Variants in WEE2 observed in about 807,000 individuals in gnomAD.
The protein encoded by WEE2 is wee1-like protein kinase 2.
WEE2 carries 50 observed loss-of-function variants against 60.1 expected under a neutral mutation model. That is an observed-to-expected ratio of 0.83 (90% CI 0.66 to 1.05). The LOEUF (loss-of-function observed/expected upper bound fraction) is 1.05. Among genes scored for constraint, WEE2 ranks in the 50% least tolerant of loss-of-function variants. The probability of loss-of-function intolerance (pLI) is 0.00; values close to 1 mark genes in which losing one functional copy is unlikely to be tolerated. For missense variants in WEE2, 631 were observed against 684.3 expected (o/e 0.92, Z 0.87); for synonymous variants, 240 against 241.0 (o/e 1.00, Z 0.04).
intron 8 of WEE2, 40 bp from the exon 9 acceptor site, chr7:141,724,986 C>A (rs767763244): frequency 3.2e-5 from 51 of 1,597,510 alleles, no homozygotes; most frequent in Non-Finnish European, 4.3e-5. Context: ...ACTCACCCTG[C>A]TTGGCATAGT....
intron 1 of WEE2, among the ~76,000 whole-genome samples, chr7:141,712,864 C>T (rs1293249236): frequency 6.6e-6 from 1 of 152,148 alleles, no homozygotes; most frequent in Non-Finnish European, 1.5e-5. Context: ...TGACTTACTA[C>T]AAAATGCTAG....
chr7:141,729,645 A>G lies in WEE2; in HGVS notation c.1650A>G (p.Gly550=). 6.2e-7 allele frequency: 1 copy of G among 1,613,824 alleles called. No individual in the cohort carries two copies. Among genetic ancestry groups the G allele is most frequent in the Non-Finnish European group, 8.5e-7 (1 of 1,179,952 alleles). Reference sequence around the variant, plus strand: ...GAAGCACAAAACGCCTGGTGGGAGGAAAGAGTGCAAGGTCTTCAAGCTTTA... The same window carrying G: ...GAAGCACAAAACGCCTGGTGGGAGGGAAGAGTGCAAGGTCTTCAAGCTTTA... ...GSRSTKRLVG[G]KSARSSSFTS... is the part of the protein sequence containing the mutation. Residue 550 remains glycine, a synonymous_variant, in exon 11 of 12, where the codon GGA becomes GGG. Coordinates refer to ENST00000397541, the MANE Select transcript of WEE2 (RefSeq NM_001105558.1).
rs1451254788 is a variant in WEE2, at chr7:141,708,803, C to G, written c.45C>G (p.Asn15Lys). ...ACAAAGAACTAAGGCAGAAATTAAA[C>G]TTTTCCTATTGTGAGGAGACTGAGA... ...DIDKELRQKL[N>K]FSYCEETEIE... Residue 15 changes from asparagine (N) to lysine (K), a missense_variant, in exon 1 of 12, where the codon AAC becomes AAG. Coordinates refer to ENST00000397541, the MANE Select transcript of WEE2 (RefSeq NM_001105558.1). 6.2e-7 allele frequency: 1 copy of G among 1,614,096 alleles called. No individual in the cohort carries two copies. The highest frequency in any genetic ancestry group is 1.3e-5 in the African/African-American group (1 of 75,032).
intron 3 of WEE2, 22 bp downstream of exon 3, chr7:141,716,289 A>T (rs368880260): frequency 6.2e-7 from 1 of 1,610,716 alleles, no homozygotes; most frequent in African/African-American, 1.3e-5. Flanking sequence ...TCTTTGTCCC[A>T]GCGGCCACAA....
In WEE2 at chr7:141,725,178, CT is replaced by C. The variant is rs754348231; in HGVS notation, c.1378del (p.Ser460ProfsTer7). 6.2e-7 allele frequency: 1 copy of C among 1,614,006 alleles called. No individual in the cohort carries two copies. Among genetic ancestry groups the C allele is most frequent in the Admixed American group, 1.7e-5 (1 of 60,020 alleles). ...PDVPQELSES[F>X]SSLLKNMIQP... ...ACGTTCCTCAGGAGCTCTCAGAAAGCTTTTCCAGTCTGCTCAAGGTGATAGC... is the reference window on the plus strand; with the variant it reads ...ACGTTCCTCAGGAGCTCTCAGAAAGCTTTCCAGTCTGCTCAAGGTGATAGC... On this transcript the variant is annotated frameshift_variant, in exon 9 of 12. Transcript: ENST00000397541. LOFTEE classifies it high-confidence loss of function.
chr7:141,715,375 T>C (rs1798777823), intron 2 of WEE2, among the ~76,000 whole-genome samples: 1 of 152,124 alleles, frequency 6.6e-6, no homozygotes, highest in Admixed American at 6.5e-5. Context: ...TCTAAGAGAG[T>C]ATTTTTCCTT....
chr7:141,716,238 G>A lies in WEE2; in HGVS notation c.556G>A (p.Glu186Lys), dbSNP rs1399641753. ...IRGDLEEAGP[E>K]EGKGGLPAKR... is the part of the protein sequence containing the mutation. ...TTTTTTAAGTGAGGAAGCTGGTCCAGAGGAAGGCAAGGGAGGGCTGCCTGC... is the reference window on the plus strand; with the variant it reads ...TTTTTTAAGTGAGGAAGCTGGTCCAAAGGAAGGCAAGGGAGGGCTGCCTGC... Residue 186 changes from glutamate to lysine, a missense_variant, in exon 3 of 12, where the codon GAG becomes AAG. By Grantham distance (56) the Glu-to-Lys change is moderately conservative. Coordinates refer to ENST00000397541, the MANE Select transcript of WEE2 (RefSeq NM_001105558.1). The A allele has an allele frequency of 4.3e-6, 7 of 1,612,588 alleles. No individual in the cohort carries two copies. In the African/African-American group the frequency reaches 9.4e-5, roughly 22 times the overall value.
Position 141,708,892 on chromosome 7 carries a change from A to T in WEE2, c.134A>T (p.Glu45Val). 1 of 1,614,200 alleles carries T rather than the reference A, an allele frequency of 6.2e-7. No homozygotes were observed. The highest frequency in any genetic ancestry group is 8.5e-7 in the Non-Finnish European group (1 of 1,180,030). Reference protein sequence around the residue: ...EASSQTPEKGEVQDSEAKGTP... With the variant: ...EASSQTPEKGVVQDSEAKGTP... ...TCGAGCCAAACCCCAGAGAAGGGTG[A>T]AGTGCAGGATTCAGAGGCAAAGGGT... The change falls in exon 1 of 12, where the codon GAA (glutamate) becomes GTA (valine). Residue 45 changes from glutamate to valine, a missense_variant. Physicochemically the swap from Glu to Val is moderately radical, Grantham distance 121. Transcript: ENST00000397541.
rs1274933720 is a variant in WEE2 at position 141,724,271 on chromosome 7, A to G, written c.1217A>G (p.Gln406Arg). 3.7e-6 allele frequency: 6 copies of G among 1,613,202 alleles called. No homozygotes were observed. Among genetic ancestry groups the G allele is most frequent in the Non-Finnish European group, 5.1e-6 (6 of 1,179,718 alleles). Reference protein sequence around the residue: ...DSRFLANEILQEDYRHLPKAD... With the variant: ...DSRFLANEILREDYRHLPKAD... Reference sequence around the variant, plus strand: ...CGCTTCCTGGCTAATGAGATTTTGCAAGAGGTATAGATTAGGGAAATGGAG... The same window carrying G: ...CGCTTCCTGGCTAATGAGATTTTGCGAGAGGTATAGATTAGGGAAATGGAG... Residue 406 changes from glutamine (Q) to arginine (R), a missense_variant, in exon 8 of 12, where the codon CAA becomes CGA. Coordinates refer to ENST00000397541, the MANE Select transcript of WEE2 (RefSeq NM_001105558.1).
At position 141,730,402 on chromosome 7, in the gene WEE2, G is replaced by A; in HGVS notation, c.*82G>A. ...CTGATTCCCCACCAAAGATCCCAGG[G>A]ACTCGTTGTACATAGAAAGGAATAG... is the stretch of plus-strand genomic sequence containing the variant. On this transcript the variant is annotated 3_prime_UTR_variant, in exon 12 of 12. Coordinates refer to ENST00000397541, the MANE Select transcript of WEE2 (RefSeq NM_001105558.1). The A allele has an allele frequency of 7.8e-7, 1 of 1,279,024 alleles. No homozygotes were observed. The highest frequency in any genetic ancestry group is 2.4e-5 in the East Asian group (1 of 42,324). 79.2% of individuals were successfully genotyped at this position (1,279,024 alleles called of 1,614,324 possible).
chr7:141,729,175 T>C (rs1435330987), intron 10 of WEE2, among the ~76,000 whole-genome samples: 1 of 152,242 alleles, frequency 6.6e-6, no homozygotes, highest in South Asian at 2.1e-4. Flanking sequence ...AATAAGACTT[T>C]ATTTATAAAT....
At chr7:141,710,394 T>C (rs951993117) in intron 1 of WEE2, among the ~76,000 whole-genome samples, 5 of 152,008 alleles carry the variant, frequency 3.3e-5, no homozygotes, top group Non-Finnish European at 7.4e-5. Context: ...TGAGTAAGAG[T>C]ACACAGAGAA....
At chr7:141,714,537 C>A in intron 2 of WEE2, 132 bp downstream of exon 2, 1 of 663,254 alleles carries the variant, frequency 1.5e-6, no homozygotes, top group Non-Finnish European at 2.5e-6. Context: ...ATATTCTCCC[C>A]TTCCTAGATA....
At chr7:141,714,793 A>G (rs1436068694) in intron 2 of WEE2, among the ~76,000 whole-genome samples, 1 of 152,174 alleles carries the variant, frequency 6.6e-6, no homozygotes, top group East Asian at 1.9e-4. Flanking sequence ...GTCTTGTGTG[A>G]CTAGTGATGA....
chr7:141,729,519 C>G lies in WEE2; in HGVS notation c.1536-12C>G, dbSNP rs1219354832. The stretch of plus-strand genomic sequence containing the variant: ...ATCAAGTAGCCTTTGCTTTTTCTCC[C>G]TCGCACTTCAGGGAACTGAGAGAAG... On this transcript the variant is annotated splice_polypyrimidine_tract_variant and intron_variant, in intron 10 of 11. Coordinates refer to ENST00000397541, the MANE Select transcript of WEE2 (RefSeq NM_001105558.1). 6.2e-7 allele frequency: 1 copy of G among 1,614,052 alleles called. No homozygotes were observed. The highest frequency in any genetic ancestry group is 1.7e-5 in the Admixed American group (1 of 60,002).
At chr7:141,722,527 A>C (rs1798934064) in intron 5 of WEE2, among the ~76,000 whole-genome samples, 2 of 152,220 alleles carry the variant, frequency 1.3e-5, no homozygotes, top group Admixed American at 1.3e-4. Context: ...ATGTACAAAT[A>C]CTGTGGCTCA....
intron 1 of WEE2, among the ~76,000 whole-genome samples, chr7:141,712,825 T>C (rs1195585408): frequency 6.6e-6 from 1 of 152,202 alleles, no homozygotes; most frequent in African/African-American, 2.4e-5. Flanking sequence ...CATATGATAA[T>C]CAGCATTACA....
At chr7:141,721,535 C>T (rs769450217) in intron 5 of WEE2, among the ~76,000 whole-genome samples, 20 of 151,806 alleles carry the variant, frequency 1.3e-4, no homozygotes, top group African/African-American at 2.9e-4. Context: ...CTCGGCTCAC[C>T]GCAACCTCCA....
At chr7:141,722,176 C>A (rs188864861) in intron 5 of WEE2, among the ~76,000 whole-genome samples, 3 of 151,976 alleles carry the variant, frequency 2.0e-5, no homozygotes, top group African/African-American at 7.3e-5. Flanking sequence ...GAGGCCGAGG[C>A]GGGCAGATCA....
Sources: gnomAD v4.1 joint callset for allele counts (sites outside exome capture counted in the v4.1 genomes callset) on GRCh38, gnomAD v4.1.1 for gene constraint, MANE v1.5 for transcripts, NCBI Gene and HGNC (gene_info 2026-07-23, HGNC 2026-07-21) for gene names.